The following CEP112 variants were observed in gnomAD, a reference collection of about 807,000 sequenced individuals.
CEP112 encodes centrosomal protein of 112 kDa.
CEP112 carries 127 observed loss-of-function variants against 153.0 expected under a neutral mutation model. The ratio of observed to expected loss-of-function variants is 0.83; its 90% CI spans 0.72 to 0.96. CEP112 has a LOEUF of 0.96. Among genes scored for constraint, CEP112 ranks in the 40% least tolerant of loss-of-function variants. The pLI is 0.00. For synonymous variants in CEP112, 358 were observed against 374.4 expected (o/e 0.96, Z 0.51); for missense variants, 1,089 against 1,101.2 (o/e 0.99, Z 0.16).
intron 20 of CEP112, among the ~76,000 whole-genome samples, chr17:65,859,450 AAAAAAG>A (rs1368475919): frequency 1.2e-4 from 18 of 151,386 alleles, no homozygotes; most frequent in Middle Eastern, 3.4e-3. Flanking sequence ...AAAAAAAAAA[AAAAAAG>A]AAAAGAAAAG....
Position 65,787,594 on chromosome 17 carries a change from G to C in CEP112, c.2395-36870C>G, listed in dbSNP as rs185914612. Among the ~76,000 whole-genome samples, 128 of 152,264 alleles carry C rather than the reference G, an allele frequency of 8.4e-4. 1 individual carries two copies. Among genetic ancestry groups the C allele is most frequent in the African/African-American group, 2.9e-3 (119 of 41,548 alleles). ...ACTTAAGGTATTCAAGATTTAGTGG[G>C]TATATTTCTCCATGATTTAGGTCTT... On this transcript the variant is annotated intron_variant, in intron 21 of 26. Coordinates refer to ENST00000535342, the MANE Select transcript of CEP112 (RefSeq NM_001199165.4).
intron 21 of CEP112, among the ~76,000 whole-genome samples, chr17:65,826,992 A>G (rs914416556): frequency 6.6e-6 from 1 of 152,214 alleles, no homozygotes; most frequent in African/African-American, 2.4e-5. Context: ...TGGACAGAAT[A>G]AAGCAGGCAG....
intron 17 of CEP112, among the ~76,000 whole-genome samples, chr17:65,971,891 A>T (rs1028220550): frequency 4.6e-5 from 7 of 152,236 alleles, no homozygotes; most frequent in Admixed American, 1.3e-4. Flanking sequence ...CTGAAAATAA[A>T]AGAAGCAAAG....
At chr17:66,099,804 C>T (rs1006626337) in intron 6 of CEP112, among the ~76,000 whole-genome samples, 2 of 151,978 alleles carry the variant, frequency 1.3e-5, no homozygotes, top group Non-Finnish European at 2.9e-5. Context: ...TTTTAAAAAG[C>T]TAAAATACAG....
rs2057942305 is a variant in CEP112 at position 65,851,834 on chromosome 17, A to C, written c.2364T>G (p.His788Gln). 1 of 1,613,930 alleles carries C rather than the reference A, an allele frequency of 6.2e-7. No individual in the cohort carries two copies. Among genetic ancestry groups the C allele is most frequent in the Non-Finnish European group, 8.5e-7 (1 of 1,179,918 alleles). ...EKMKIELKKT[H>Q]AAETEMTLEK... is the part of the protein sequence containing the mutation. ...CCAGTGTCATCTCTGTCTCAGCAGCATGAGTCTTTTTCAGCTCTATTTTCA... is the reference window on the plus strand; with the variant it reads ...CCAGTGTCATCTCTGTCTCAGCAGCCTGAGTCTTTTTCAGCTCTATTTTCA... The change falls in exon 21 of 27, where the codon CAT becomes CAG. Residue 788 changes from histidine to glutamine, a missense_variant. His to Gln is a conservative substitution (Grantham distance 24, BLOSUM62 0). Coordinates refer to ENST00000535342, the MANE Select transcript of CEP112 (RefSeq NM_001199165.4).
intron 16 of CEP112, among the ~76,000 whole-genome samples, chr17:66,016,900 T>C (rs1361692363): frequency 2.0e-5 from 3 of 152,216 alleles, no homozygotes; most frequent in Non-Finnish European, 4.4e-5. Context: ...TCAGATGGCA[T>C]GGATTTGTGT....
intron 11 of CEP112, among the ~76,000 whole-genome samples, chr17:66,058,769 T>C (rs1446481149): frequency 1.3e-5 from 2 of 152,158 alleles, no homozygotes; most frequent in Non-Finnish European, 2.9e-5. Flanking sequence ...GGAGGATCAC[T>C]TGAGCCCAGG....
chr17:65,890,800 A>G (rs1057338915), intron 20 of CEP112, among the ~76,000 whole-genome samples: 2 of 145,784 alleles, frequency 1.4e-5, no homozygotes, highest in Non-Finnish European at 3.1e-5. Flanking sequence ...TCATCACAAC[A>G]ATCCGGTGAT....
chr17:65,676,077 G>A (rs1243268329), intron 24 of CEP112, among the ~76,000 whole-genome samples: 3 of 152,152 alleles, frequency 2.0e-5, no homozygotes, highest in Non-Finnish European at 2.9e-5. Flanking sequence ...AGTGGTTCAC[G>A]TAGCACTGCA....
chr17:65,689,711 T>C (rs945247025), intron 23 of CEP112, among the ~76,000 whole-genome samples: 2 of 152,112 alleles, frequency 1.3e-5, no homozygotes, highest in Non-Finnish European at 2.9e-5. Context: ...GAGAGGATGG[T>C]ATGGAACTTG....
chr17:65,754,603 G>A (rs1424004171), intron 21 of CEP112, among the ~76,000 whole-genome samples: 2 of 147,932 alleles, frequency 1.4e-5, no homozygotes, highest in South Asian at 2.1e-4. Context: ...AGCTTCTGTC[G>A]CAAAAAATAA....
intron 12 of CEP112, among the ~76,000 whole-genome samples, chr17:66,033,262 C>A (rs1356068459): frequency 9.2e-6 from 1 of 109,116 alleles, no homozygotes; most frequent in Non-Finnish European, 1.9e-5. Context: ...TACAAGAAAA[C>A]TATACATGAA....
chr17:65,691,180 C>A (rs1360206552), intron 23 of CEP112, among the ~76,000 whole-genome samples: 2 of 152,048 alleles, frequency 1.3e-5, no homozygotes, highest in Admixed American at 6.5e-5. Context: ...GGAGAGGAGC[C>A]GGAGCTCAGC....
chr17:65,859,422 A>C (rs1370408071), intron 20 of CEP112, among the ~76,000 whole-genome samples: 1 of 140,936 alleles, frequency 7.1e-6, no homozygotes, highest in Non-Finnish European at 1.5e-5. Flanking sequence ...CCTGGGTGAC[A>C]GGGTGAGACT....
intron 23 of CEP112, among the ~76,000 whole-genome samples, chr17:65,700,864 C>G (rs1284171211): frequency 6.6e-6 from 1 of 152,152 alleles, no homozygotes; most frequent in South Asian, 2.1e-4. Flanking sequence ...TTCCACTCAG[C>G]CCTCTCAGCA....
At chr17:65,925,745 G>A (rs1013132048) in intron 19 of CEP112, among the ~76,000 whole-genome samples, 1 of 152,076 alleles carries the variant, frequency 6.6e-6, no homozygotes, top group Non-Finnish European at 1.5e-5. Context: ...TAAAATGTGA[G>A]TAAACTTACT....
intron 24 of CEP112, among the ~76,000 whole-genome samples, chr17:65,656,162 T>C (rs1294140282): frequency 1.3e-5 from 2 of 152,180 alleles, no homozygotes; most frequent in African/African-American, 4.8e-5. Context: ...CAAGTCCAGG[T>C]AACCAGAGTC....
intron 19 of CEP112, among the ~76,000 whole-genome samples, chr17:65,926,342 A>G (rs948942912): frequency 3.9e-5 from 6 of 152,208 alleles, no homozygotes; most frequent in Non-Finnish European, 8.8e-5. Flanking sequence ...AACCCTGATC[A>G]GTTATTCAAG....
intron 6 of CEP112, among the ~76,000 whole-genome samples, chr17:66,120,307 TCTC>T (rs558842655): frequency 3.6e-4 from 55 of 152,184 alleles, no homozygotes; most frequent in African/African-American, 1.3e-3. Context: ...TTCAAGCAAT[TCTC>T]CTGCTTCGGC....
Sources: gnomAD v4.1 joint callset for allele counts (sites outside exome capture counted in the v4.1 genomes callset) on GRCh38, gnomAD v4.1.1 for gene constraint, MANE v1.5 for transcripts, NCBI Gene and HGNC (gene_info 2026-07-23, HGNC 2026-07-21) for gene names.